KLRG1: variants seen among roughly 807,000 people sequenced by gnomAD.
KLRG1 encodes killer cell lectin like receptor G1, also known as killer cell lectin-like receptor subfamily G member 1.
In KLRG1, 16 loss-of-function variants were observed where a neutral mutation model predicts 21.8. The observed-to-expected ratio is 0.73, with a 90% confidence interval of 0.50 to 1.11. KLRG1 has a LOEUF of 1.11. Among genes scored for constraint, KLRG1 ranks in the 50% most tolerant of loss-of-function variants. KLRG1 has a pLI of 0.00. For synonymous variants in KLRG1, 69 were observed against 75.9 expected, an observed-to-expected ratio of 0.91 and a Z score of 0.47; for missense variants, 173 against 218.3, an observed-to-expected ratio of 0.79 and a Z score of 1.31.
At chr12:9,095,103 T>C in the KLRG1 span, 1 of 1,272,956 alleles carries the variant, frequency 7.9e-7, no homozygotes, top group Non-Finnish European at 1.1e-6. Flanking sequence ...AAAATTATCA[T>C]CTAATCAGTA....
the KLRG1 span, chr12:9,079,657 T>G: frequency 6.2e-7 from 1 of 1,613,350 alleles, no homozygotes; most frequent in Non-Finnish European, 8.5e-7. Flanking sequence ...AGATAGCCAA[T>G]GGCCTTGGAC....
At chr12:9,090,421 G>T in the KLRG1 span, 155 of 1,613,866 alleles carry the variant, frequency 9.6e-5, no homozygotes, top group Non-Finnish European at 1.2e-4. Flanking sequence ...GCAGTGAGGC[G>T]CTTGTTCCTT....
chr12:9,085,300 C>T, the KLRG1 span, among the ~76,000 whole-genome samples: 1 of 152,080 alleles, frequency 6.6e-6, no homozygotes, highest in Non-Finnish European at 1.5e-5. Flanking sequence ...ATCGTTTCAT[C>T]GTATCAAGTA....
intron 1 of KLRG1, among the ~76,000 whole-genome samples, chr12:8,975,557 C>CTTTCT (rs888650606): frequency 4.0e-5 from 6 of 151,010 alleles, no homozygotes; most frequent in African/African-American, 1.5e-4. Flanking sequence ...TTTTTTTCTT[C>CTTTCT]TTTCTTTTCT....
chr12:9,160,887 C>G, the KLRG1 span: 212 of 724,554 alleles, frequency 2.9e-4, 2 homozygotes, highest in East Asian at 5.6e-3. Context: ...TGTACTCCAG[C>G]CTGGGCGACA....
Position 9,010,068 on chromosome 12 carries a change from C to A in KLRG1, c.*531C>A. On this transcript the variant is annotated 3_prime_UTR_variant, in exon 5 of 5. Coordinates refer to ENST00000356986, the MANE Select transcript of KLRG1 (RefSeq NM_005810.4). ...TGGCATGCTGGTGTGTACCTGTAGTCCTAGCTATTTGGGAAGCTGAGGTGG... is the reference window on the plus strand; with the variant it reads ...TGGCATGCTGGTGTGTACCTGTAGTACTAGCTATTTGGGAAGCTGAGGTGG... The A allele has an allele frequency of 6.7e-7, 1 of 1,500,222 alleles. No individual in the cohort carries two copies. Among genetic ancestry groups the A allele is most frequent in the Non-Finnish European group, 9.0e-7 (1 of 1,116,480 alleles). The allele number at this position is 1,500,222 out of a possible 1,614,324, so 92.9% of individuals were successfully genotyped here.
At chr12:9,149,645 G>C in the KLRG1 span, 1 of 1,593,536 alleles carries the variant, frequency 6.3e-7, no homozygotes, top group Non-Finnish European at 8.6e-7. Context: ...AAAGATCTAT[G>C]AACTAGGGAC....
the KLRG1 span, among the ~76,000 whole-genome samples, chr12:9,039,196 T>C: frequency 6.6e-6 from 1 of 152,262 alleles, no homozygotes; most frequent in African/African-American, 2.4e-5. Context: ...AGCTTATCTC[T>C]TCGCCTCCGC....
chr12:9,182,001 C>G, the KLRG1 span: 2 of 1,613,692 alleles, frequency 1.2e-6, no homozygotes, highest in Non-Finnish European at 1.7e-6. Context: ...TTTTCAATCT[C>G]AAATTTTTCA....
chr12:9,188,188 A>ACTTCATC, the KLRG1 span, among the ~76,000 whole-genome samples: 1 of 152,244 alleles, frequency 6.6e-6, no homozygotes, highest in Admixed American at 6.5e-5. Flanking sequence ...GATCAAGTAG[A>ACTTCATC]CTTCATCCCT....
At chr12:8,959,380 C>T (rs1318592402) in intron 1 of KLRG1, among the ~76,000 whole-genome samples, 3 of 152,160 alleles carry the variant, frequency 2.0e-5, no homozygotes, top group South Asian at 2.1e-4. Flanking sequence ...GATGCCACTT[C>T]GTCCTGAGAC....
chr12:8,974,173 TG>T (rs1358537979), intron 1 of KLRG1, among the ~76,000 whole-genome samples: 2 of 126,680 alleles, frequency 1.6e-5, no homozygotes, highest in African/African-American at 2.6e-5. Context: ...TTGTTTGTTT[TG>T]TTTTTTTTTT....
At chr12:9,081,916 C>G in the KLRG1 span, among the ~76,000 whole-genome samples, 1 of 152,188 alleles carries the variant, frequency 6.6e-6, no homozygotes, top group Non-Finnish European at 1.5e-5. Flanking sequence ...TTCAGAGATA[C>G]CAGCCAACTG....
the KLRG1 span, chr12:9,090,330 A>G: frequency 6.2e-7 from 1 of 1,613,842 alleles, no homozygotes; most frequent in Non-Finnish European, 8.5e-7. Context: ...TGAGTAGAGA[A>G]TTATCTCTAG....
the KLRG1 span, among the ~76,000 whole-genome samples, chr12:9,181,651 A>G: frequency 6.6e-6 from 1 of 152,218 alleles, no homozygotes. Context: ...TCTCTGACAC[A>G]TGATAAGGTA....
In KLRG1 at chr12:8,980,166, GCTGGGATTA is replaced by G. The variant is rs902447434; in HGVS notation, c.-155-12020_-155-12012del. On this transcript the variant is annotated intron_variant, in intron 1 of 4. Coordinates refer to the KLRG1 transcript ENST00000539240. ...TCTGCCCACCTCAGCCTCTCAAAGT[GCTGGGATTA>G]CTGGGATTACTGGGATTACAGGTGT... is the stretch of plus-strand genomic sequence containing the variant. 9.7e-4 allele frequency among the ~76,000 whole-genome samples: 148 copies of G among 152,222 alleles called. 1 individual carries two copies. Among genetic ancestry groups the G allele is most frequent in the Middle Eastern group, 3.4e-3 (1 of 292 alleles).
chr12:9,026,620 T>A, the KLRG1 span, among the ~76,000 whole-genome samples: 1 of 152,244 alleles, frequency 6.6e-6, no homozygotes, highest in Non-Finnish European at 1.5e-5. Context: ...GTTATTTGTA[T>A]TTCCTCTGAG....
At chr12:9,154,061 A>T in the KLRG1 span, among the ~76,000 whole-genome samples, 16 of 152,210 alleles carry the variant, frequency 1.1e-4, no homozygotes, top group Admixed American at 2.0e-4. Flanking sequence ...TCTCATTCCA[A>T]AAAGATCAAA....
chr12:9,157,964 TC>T, the KLRG1 span: 5 of 848,806 alleles, frequency 5.9e-6, no homozygotes, highest in Admixed American at 2.1e-5. Context: ...TCCTTCTCTC[TC>T]TCTCTCTCGA....
Sources: gnomAD v4.1 joint callset for allele counts (sites outside exome capture counted in the v4.1 genomes callset) on GRCh38, gnomAD v4.1.1 for gene constraint, MANE v1.5 for transcripts, NCBI Gene and HGNC (gene_info 2026-07-23, HGNC 2026-07-21) for gene names.